The following PTPN21 variants were observed in gnomAD, a reference collection of about 807,000 sequenced individuals.
PTPN21 encodes tyrosine-protein phosphatase non-receptor type 21.
PTPN21 carries 77 observed loss-of-function variants against 131.8 expected under a neutral mutation model. The observed-to-expected ratio is 0.58, with a 90% CI of 0.49 to 0.71. The LOEUF is 0.71. PTPN21 is among the 30% of genes least tolerant of loss of function. The pLI is 0.00. For synonymous variants in PTPN21, 715 were observed against 621.3 expected (o/e 1.15, Z -2.24); for missense variants, 1,552 against 1,527.1 (o/e 1.02, Z -0.27).
In PTPN21 at chr14:88,479,675, A is replaced by C; in HGVS notation, c.1756T>G (p.Tyr586Asp). 1 of 1,396,332 alleles carries C rather than the reference A, an allele frequency of 7.2e-7. No homozygotes were observed. Among genetic ancestry groups the C allele is most frequent in the Non-Finnish European group, 9.4e-7 (1 of 1,060,934 alleles). 86.5% of individuals were successfully genotyped at this position (1,396,332 alleles called of 1,614,324 possible). ...AGGTCGGGGTTGCTGCTGCTGATGT[A>C]AAGGTGGCGGGACAGGTCTGGCGTG... ...NSTPDLSRHL[Y>D]ISSSNPDLIT... The change falls in exon 13 of 19, where the codon TAC (tyrosine) becomes GAC (aspartate). Residue 586 changes from tyrosine (Y) to aspartate (D), a missense_variant. Physicochemically the swap from Tyr to Asp is radical, Grantham distance 160 (BLOSUM62 -3). Transcript: ENST00000556564.
At position 88,535,212 on chromosome 14, in the gene PTPN21, C is replaced by T. The variant is rs1349192321; in HGVS notation, c.180+15026G>A. ...TTTATTATAGCCTACCAGGACTAGGCCACAGCACATAGCAGGTGTGCAGTA... is the reference window on the plus strand; with the variant it reads ...TTTATTATAGCCTACCAGGACTAGGTCACAGCACATAGCAGGTGTGCAGTA... On this transcript the variant is annotated intron_variant, in intron 2 of 18. Coordinates refer to ENST00000556564, the MANE Select transcript of PTPN21 (RefSeq NM_007039.4). Among the ~76,000 whole-genome samples the T allele has an allele frequency of 3.3e-5, 5 of 152,260 alleles. No individual in the cohort carries two copies. In the East Asian group the frequency reaches 9.6e-4, roughly 29 times the overall value.
At chr14:88,497,528 G>A (rs144057974) in intron 8 of PTPN21, among the ~76,000 whole-genome samples, 5,376 of 152,036 alleles carry the variant, frequency 0.035, 318 homozygotes, top group African/African-American at 0.12. Flanking sequence ...TCAGCACTTT[G>A]GGAGGCCAAG....
chr14:88,468,566 GT>G (rs2077402302), intron 18 of PTPN21, among the ~76,000 whole-genome samples: 5 of 152,164 alleles, frequency 3.3e-5, no homozygotes, highest in African/African-American at 9.7e-5. Flanking sequence ...AAAACATAGT[GT>G]GCTAAGTGCT....
chr14:88,538,519 G>C (rs897550592), intron 2 of PTPN21, among the ~76,000 whole-genome samples: 11 of 152,270 alleles, frequency 7.2e-5, no homozygotes, highest in Admixed American at 6.5e-4. Context: ...TCCTTCTCAT[G>C]CTTACCTTTC....
In PTPN21 at chr14:88,472,383, C is replaced by T; in HGVS notation, c.2732G>A (p.Gly911Glu). 1 of 1,613,840 alleles carries T rather than the reference C, an allele frequency of 6.2e-7. No homozygotes were observed. Residue 911 changes from glycine to glutamate, a missense_variant, in exon 15 of 19, where the codon GGG (glycine) becomes GAG (glutamate). Physicochemically the swap from Gly to Glu is moderately conservative, Grantham distance 98. This residue lies in a region of PTPN21 where 316 missense variants were observed against 378.5 expected (regional missense o/e 0.83). Coordinates refer to ENST00000556564, the MANE Select transcript of PTPN21 (RefSeq NM_007039.4). ...AGGGAGTCGTGCTGTTGAGCACTCC[C>T]CATCAACTAGCCGTTTCTTAAGAAT... is the stretch of plus-strand genomic sequence containing the variant. ...ERILKKRLVDGECSTARLPEN... is the reference protein window; with the variant it reads ...ERILKKRLVDEECSTARLPEN...
chr14:88,525,269 TA>T (rs56727779), intron 2 of PTPN21, among the ~76,000 whole-genome samples: 11 of 145,028 alleles, frequency 7.6e-5, no homozygotes, highest in African/African-American at 2.3e-4. Context: ...ATGAAGAAAG[TA>T]AAAAAAAAAC....
Position 88,480,162 on chromosome 14 carries a change from C to G in PTPN21, c.1269G>C (p.Gly423=), listed in dbSNP as rs778404607. 6.2e-7 allele frequency: 1 copy of G among 1,614,096 alleles called. No individual in the cohort carries two copies. The highest frequency in any genetic ancestry group is 1.1e-5 in the South Asian group (1 of 91,076). Residue 423 remains glycine, a synonymous_variant, in exon 13 of 19, where the codon GGG becomes GGC. Coordinates refer to ENST00000556564, the MANE Select transcript of PTPN21 (RefSeq NM_007039.4). ...SPMSSNPSIT[G]SDVMRPDYLP... is the part of the protein sequence containing the mutation. The stretch of plus-strand genomic sequence containing the variant: ...GGTAGTCAGGCCTCATGACGTCACT[C>G]CCGGTGATGCTAGGGTTGGACGACA...
At chr14:88,470,688 C>A (rs987525437) in intron 15 of PTPN21, among the ~76,000 whole-genome samples, 3 of 152,238 alleles carry the variant, frequency 2.0e-5, no homozygotes, top group African/African-American at 7.2e-5. Flanking sequence ...TTGTGCCACA[C>A]GCACTCTCAC....
chr14:88,532,113 A>C (rs2078562802), intron 2 of PTPN21, among the ~76,000 whole-genome samples: 1 of 151,982 alleles, frequency 6.6e-6, no homozygotes, highest in Non-Finnish European at 1.5e-5. Flanking sequence ...GGTAATTAAA[A>C]AAAAAAAAAC....
rs995864320 is a variant in PTPN21, at chr14:88,469,686, G to A, written c.3048C>T (p.Ser1016=). The part of the protein sequence containing the change: ...KSFRYWPRLG[S]RHNTVTYGRF... ...TTCCATAGGTGACAGTGTTGTGCCT[G>A]GAACCAAGTCGTGGCCAGTACCTAA... Residue 1016 remains serine, a synonymous_variant, in exon 17 of 19, where the codon TCC becomes TCT. Coordinates refer to ENST00000556564, the MANE Select transcript of PTPN21 (RefSeq NM_007039.4). This position sits in a 1 kb window ranked among gnomAD's most constrained non-coding sequence, Gnocchi z 4.3. 1 of 1,614,162 alleles carries A rather than the reference G, an allele frequency of 6.2e-7. No homozygotes were observed. The highest frequency in any genetic ancestry group is 8.5e-7 in the Non-Finnish European group (1 of 1,180,026).
Position 88,475,600 on chromosome 14 carries a change from T to C in PTPN21, c.2512-1798A>G, listed in dbSNP as rs562361960. ...AGGCTGAAATTTAATGATTCTAACG[T>C]GCAGAAAACAGTGATGTGCTGGTAA... On this transcript the variant is annotated intron_variant, in intron 13 of 18. Transcript: ENST00000556564. Among the ~76,000 whole-genome samples, 4 of 152,320 alleles carry C rather than the reference T, an allele frequency of 2.6e-5. No homozygotes were observed. In the South Asian group the frequency reaches 8.3e-4, roughly 32 times the overall value.
chr14:88,475,672 C>G (rs1469776235), intron 13 of PTPN21, among the ~76,000 whole-genome samples: 2 of 152,172 alleles, frequency 1.3e-5, no homozygotes, highest in Non-Finnish European at 2.9e-5. Context: ...GGTGTTTGCC[C>G]ATATCCATGG....
chr14:88,482,323 A>G (rs1456621449), intron 12 of PTPN21, among the ~76,000 whole-genome samples: 1 of 152,194 alleles, frequency 6.6e-6, no homozygotes, highest in Non-Finnish European at 1.5e-5. Flanking sequence ...AACACCAGGC[A>G]AAAGAATGAT....
chr14:88,548,354 C>T (rs752242140), intron 2 of PTPN21, among the ~76,000 whole-genome samples: 9 of 152,330 alleles, frequency 5.9e-5, no homozygotes, highest in Non-Finnish European at 1.3e-4. Flanking sequence ...CCACGCACTT[C>T]AGGCTTCAGG....
chr14:88,546,696 C>T (rs547337584), intron 2 of PTPN21, among the ~76,000 whole-genome samples: 8 of 152,158 alleles, frequency 5.3e-5, no homozygotes, highest in African/African-American at 1.7e-4. Context: ...AATCTATATG[C>T]GATAATTCCA....
chr14:88,494,194 T>G (rs1474596169), intron 10 of PTPN21, among the ~76,000 whole-genome samples: 1 of 151,822 alleles, frequency 6.6e-6, no homozygotes, highest in Non-Finnish European at 1.5e-5. Context: ...CAGGCTGCAA[T>G]GAGGGAGCAA....
chr14:88,553,573 A>G (rs1049101015), intron 1 of PTPN21, among the ~76,000 whole-genome samples: 3 of 152,084 alleles, frequency 2.0e-5, no homozygotes, highest in African/African-American at 7.2e-5. Flanking sequence ...TTACTAAAGT[A>G]AACATAATTT....
chr14:88,483,890 T>C (rs1263791191), intron 12 of PTPN21, among the ~76,000 whole-genome samples: 1 of 152,074 alleles, frequency 6.6e-6, no homozygotes, highest in Non-Finnish European at 1.5e-5. Context: ...ATCCCAGCAC[T>C]TAGAAAGGCA....
chr14:88,477,943 T>C (rs73329686), intron 13 of PTPN21, among the ~76,000 whole-genome samples: 5,642 of 152,262 alleles, frequency 0.037, 350 homozygotes, highest in African/African-American at 0.13. Flanking sequence ...ATAGAACATA[T>C]ACAGTATACT....
Sources: allele counts gnomAD v4.1 joint callset (sites outside exome capture counted in the v4.1 genomes callset), GRCh38; gene constraint gnomAD v4.1.1; regional missense constraint gnomAD v4.1.1; non-coding constraint Gnocchi (gnomAD v3.1); transcripts MANE v1.5; gene names NCBI Gene and HGNC (gene_info 2026-07-23, HGNC 2026-07-21).